Variants in C10orf67 observed in about 807,000 individuals in gnomAD.
C10orf67 encodes uncharacterized protein C10orf67, mitochondrial.
Under a neutral mutation model 35.6 loss-of-function variants are expected in C10orf67, and 60 were observed. The ratio of observed to expected loss-of-function variants is 1.68; its 90% CI spans 1.37 to 2.09. C10orf67 has a LOEUF of 2.09. Ranked by LOEUF, C10orf67 falls within the 30% of genes most tolerant of loss-of-function variation. The pLI, the probability that C10orf67 is intolerant of heterozygous loss-of-function variation, is 0.00. For missense variants in C10orf67, 474 were observed against 330.2 expected (o/e 1.44, Z -3.38); for synonymous variants, 167 against 115.8 (o/e 1.44, Z -2.84).
At chr10:23,289,817 A>T in intron 7 of C10orf67, 83 bp downstream of exon 7, 1 of 689,212 alleles carries the variant, frequency 1.5e-6, no homozygotes, top group East Asian at 2.7e-5. Context: ...GTCATAAGAC[A>T]CTCTGGACAC....
chr10:23,243,051 C>T (rs887441126), intron 12 of C10orf67, among the ~76,000 whole-genome samples: 1 of 152,100 alleles, frequency 6.6e-6, no homozygotes, highest in Non-Finnish European at 1.5e-5. Context: ...ATACACCATG[C>T]ACTCTTAACC....
chr10:23,297,454 C>G (rs1843925266), intron 5 of C10orf67, among the ~76,000 whole-genome samples: 1 of 152,116 alleles, frequency 6.6e-6, no homozygotes, highest in African/African-American at 2.4e-5. Flanking sequence ...ATATATTCAC[C>G]CTTTTTCCTT....
chr10:23,321,748 G>C (rs1363482599), intron 3 of C10orf67, among the ~76,000 whole-genome samples: 1 of 152,140 alleles, frequency 6.6e-6, no homozygotes, highest in African/African-American at 2.4e-5. Context: ...TTGTTTGCTT[G>C]TTTTTATGGC....
intron 4 of C10orf67, among the ~76,000 whole-genome samples, chr10:23,306,322 G>A (rs200645332): frequency 2.0e-5 from 3 of 151,976 alleles, no homozygotes; most frequent in South Asian, 2.1e-4. Flanking sequence ...TCAGGAGTTC[G>A]AGACTAGCCT....
In C10orf67 at chr10:23,239,766, T is replaced by A. The variant is rs756347814; in HGVS notation, c.1397A>T (p.Gln466Leu). 30 of 656,578 alleles carry A rather than the reference T, an allele frequency of 4.6e-5. No individual in the cohort carries two copies. Among genetic ancestry groups the A allele is most frequent in the African/African-American group, 4.4e-4 (25 of 56,852 alleles). The allele number at this position is 656,578 out of a possible 1,614,324, so 40.7% of individuals were successfully genotyped here. A position where few individuals can be genotyped will look rare whatever the true frequency, so the allele number is the denominator to read the frequency against. ...EMFTRHTLFR[Q>L]FAVLADTSFN... ...GGATGTGTCAGCAAGCACTGCAAAC[T>A]GACGAAACAGTGTGTGCCTTGTAAA... The change falls in exon 13 of 16, where the codon CAG becomes CTG. Residue 466 changes from glutamine to leucine, a missense_variant. Physicochemically the swap from Gln to Leu is moderately radical, Grantham distance 113. Coordinates refer to ENST00000636213, the MANE Select transcript of C10orf67 (RefSeq NM_001371909.1).
intron 2 of C10orf67, among the ~76,000 whole-genome samples, chr10:23,332,703 A>T (rs1785728359): frequency 6.6e-6 from 1 of 152,148 alleles, no homozygotes; most frequent in African/African-American, 2.4e-5. Context: ...CAAAGAAAAT[A>T]TAACAAAATG....
chr10:23,292,230 C>T (rs1843744093), intron 5 of C10orf67, among the ~76,000 whole-genome samples: 1 of 133,124 alleles, frequency 7.5e-6, no homozygotes, highest in Non-Finnish European at 1.5e-5. Flanking sequence ...TGAATATCCT[C>T]CCTTATGGCT....
intron 10 of C10orf67, among the ~76,000 whole-genome samples, chr10:23,259,886 G>A (rs754669420): frequency 2.0e-5 from 3 of 152,106 alleles, no homozygotes; most frequent in Non-Finnish European, 4.4e-5. Flanking sequence ...AAGAAAAAAA[G>A]TAGTTCAAAC....
intron 7 of C10orf67, among the ~76,000 whole-genome samples, chr10:23,287,459 T>G (rs1843579942): frequency 1.3e-5 from 2 of 152,180 alleles, no homozygotes; most frequent in Non-Finnish European, 2.9e-5. Context: ...TCCTTACACC[T>G]TATACAAAAA....
At chr10:23,299,361 A>T (rs969985745) in intron 5 of C10orf67, among the ~76,000 whole-genome samples, 1 of 152,170 alleles carries the variant, frequency 6.6e-6, no homozygotes, top group East Asian at 1.9e-4. Context: ...CTTTAGTTTA[A>T]CTTGAACAGG....
chr10:23,224,688 G>A (rs1162751430), intron 13 of C10orf67, among the ~76,000 whole-genome samples: 1 of 152,172 alleles, frequency 6.6e-6, no homozygotes, highest in African/African-American at 2.4e-5. Context: ...CTTAAAGGAC[G>A]TGATGGAGCT....
At chr10:23,267,359 A>T (rs1255537188) in intron 8 of C10orf67, 105 bp from the exon 9 acceptor site, 2 of 553,374 alleles carry the variant, frequency 3.6e-6, no homozygotes, top group Non-Finnish European at 6.5e-6. Context: ...GTTTTAAACC[A>T]TTTGTCTCCC....
intron 15 of C10orf67, among the ~76,000 whole-genome samples, chr10:23,213,199 T>C (rs1302071725): frequency 2.0e-5 from 3 of 152,120 alleles, no homozygotes; most frequent in Non-Finnish European, 4.4e-5. Context: ...AATTCACCCA[T>C]ATACACAACA....
intron 8 of C10orf67, among the ~76,000 whole-genome samples, 153 bp from the exon 9 acceptor site, chr10:23,267,407 A>G (rs765713253): frequency 5.9e-5 from 9 of 152,234 alleles, no homozygotes; most frequent in Admixed American, 3.9e-4. Context: ...TATCAAAGAA[A>G]AAACAAACTT....
intron 10 of C10orf67, among the ~76,000 whole-genome samples, chr10:23,252,065 A>C (rs1396279256): frequency 6.6e-6 from 1 of 152,156 alleles, no homozygotes; most frequent in Non-Finnish European, 1.5e-5. Flanking sequence ...TGTTGCTTCC[A>C]TTATATCTGT....
chr10:23,224,878 C>G (rs1334956515), intron 13 of C10orf67, among the ~76,000 whole-genome samples: 1 of 151,938 alleles, frequency 6.6e-6, no homozygotes. Context: ...GTGAAAAGAC[C>G]AAATCTATGT....
chr10:23,220,413 G>T (rs1841546626), intron 15 of C10orf67, among the ~76,000 whole-genome samples: 1 of 152,292 alleles, frequency 6.6e-6, no homozygotes, highest in East Asian at 1.9e-4. Flanking sequence ...TTACACAACA[G>T]GAAGCACTAA....
chr10:23,287,800 A>G (rs1204479857), intron 7 of C10orf67, among the ~76,000 whole-genome samples: 1 of 152,202 alleles, frequency 6.6e-6, no homozygotes, highest in African/African-American at 2.4e-5. Context: ...CCCATCAAAA[A>G]GTGGGCAAAG....
At position 23,221,969 on chromosome 10, in the gene C10orf67, G is replaced by C. The variant is rs188896238; in HGVS notation, c.1570+1629C>G. Among the ~76,000 whole-genome samples the C allele has an allele frequency of 7.9e-4, 121 of 152,282 alleles. 2 individuals are homozygous for C. Among genetic ancestry groups the C allele is most frequent in the Admixed American group, 3.1e-3 (48 of 15,302 alleles). ...AGGAAATTTCATGGTTATGTCCACA[G>C]GCATCTGGTGTGAGCATTTTATCTT... On this transcript the variant is annotated intron_variant, in intron 15 of 15. Coordinates refer to ENST00000636213, the MANE Select transcript of C10orf67 (RefSeq NM_001371909.1).
Sources: allele counts gnomAD v4.1 joint callset (sites outside exome capture counted in the v4.1 genomes callset), GRCh38; gene constraint gnomAD v4.1.1; transcripts MANE v1.5; gene names NCBI Gene and HGNC (gene_info 2026-07-23, HGNC 2026-07-21).